RBMS3: variants seen among roughly 807,000 people sequenced by gnomAD.
RBMS3 encodes the protein RNA-binding motif, single-stranded-interacting protein 3.
A neutral mutation model predicts 66.8 loss-of-function variants in RBMS3; 27 were observed. The ratio of observed to expected loss-of-function variants is 0.40; its 90% CI spans 0.30 to 0.56. The LOEUF is 0.56. RBMS3 is among the 20% of genes least tolerant of loss of function. The pLI, the probability that RBMS3 is intolerant of heterozygous loss-of-function variation, is 0.40. For missense variants in RBMS3, 513 were observed against 549.5 expected, an observed-to-expected ratio of 0.93 and a Z score of 0.66; for synonymous variants, 188 against 183.0, an observed-to-expected ratio of 1.03 and a Z score of -0.22.
At chr3:29,803,994 T>C (rs184034125) in intron 6 of RBMS3, among the ~76,000 whole-genome samples, 629 of 152,174 alleles carry the variant, frequency 4.1e-3, no homozygotes, top group Non-Finnish European at 7.4e-3. Flanking sequence ...ATAAAAATCA[T>C]ACAAAATCAT....
chr3:29,794,308 G>A (rs188233026), intron 6 of RBMS3, among the ~76,000 whole-genome samples: 7 of 152,086 alleles, frequency 4.6e-5, no homozygotes, highest in Middle Eastern at 3.4e-3. Context: ...ACATGATGGC[G>A]GGGCACGGTG....
chr3:29,478,914 GT>G (rs2043039768), intron 2 of RBMS3, among the ~76,000 whole-genome samples: 1 of 152,254 alleles, frequency 6.6e-6, no homozygotes, highest in African/African-American at 2.4e-5. Context: ...TCCAAGGAAT[GT>G]TGGTAATTTT....
intron 6 of RBMS3, among the ~76,000 whole-genome samples, chr3:29,837,134 C>T (rs922188090): frequency 2.6e-5 from 4 of 151,962 alleles, no homozygotes; most frequent in Non-Finnish European, 2.9e-5. Context: ...TTTTTGCAAA[C>T]GACTTGAGTA....
chr3:29,558,151 A>G lies in RBMS3; in HGVS notation c.308-28963A>G, dbSNP rs3773079. On this transcript the variant is annotated intron_variant, in intron 3 of 14. Transcript: ENST00000383767. ...AAACCATTTTCATGTCAATTCCTCC[A>G]TATACATACACATCCCATAACGGCA... 9.8e-5 allele frequency among the ~76,000 whole-genome samples: 15 copies of G among 152,294 alleles called. No individual in the cohort carries two copies. In the East Asian group the frequency reaches 2.9e-3, roughly 29 times the overall value.
At chr3:29,634,745 A>T (rs1194158749) in intron 4 of RBMS3, among the ~76,000 whole-genome samples, 1 of 151,726 alleles carries the variant, frequency 6.6e-6, no homozygotes, top group Non-Finnish European at 1.5e-5. Flanking sequence ...TTTCTGGGGG[A>T]ACCATAACCA....
intron 10 of RBMS3, among the ~76,000 whole-genome samples, chr3:29,908,418 A>C (rs2060436543): frequency 6.6e-6 from 1 of 152,126 alleles, no homozygotes; most frequent in Non-Finnish European, 1.5e-5. Context: ...CTCCATGACT[A>C]GTTGTTGATA....
chr3:29,427,455 T>C (rs141399876), intron 1 of RBMS3, among the ~76,000 whole-genome samples: 1 of 152,352 alleles, frequency 6.6e-6, no homozygotes, highest in Non-Finnish European at 1.5e-5. Flanking sequence ...TCTCTCACGT[T>C]GTGTTCACAC....
chr3:29,597,216 C>G (rs2047974813), intron 4 of RBMS3, among the ~76,000 whole-genome samples: 1 of 152,094 alleles, frequency 6.6e-6, no homozygotes, highest in Non-Finnish European at 1.5e-5. Context: ...TTAATTATCA[C>G]AGGTAGCTAT....
intron 4 of RBMS3, among the ~76,000 whole-genome samples, chr3:29,597,630 TA>T (rs2047996043): frequency 6.6e-6 from 1 of 152,156 alleles, no homozygotes; most frequent in African/African-American, 2.4e-5. Context: ...GTAAGCACAT[TA>T]ACTCCTTCTT....
intron 1 of RBMS3, among the ~76,000 whole-genome samples, chr3:29,365,973 A>T (rs187697350): frequency 2.0e-5 from 3 of 152,090 alleles, no homozygotes; most frequent in Admixed American, 2.0e-4. Flanking sequence ...GAATTAAGTG[A>T]TTTTACTCAT....
chr3:29,940,651 T>G (rs2061370675), intron 11 of RBMS3, among the ~76,000 whole-genome samples: 2 of 151,822 alleles, frequency 1.3e-5, no homozygotes, highest in Non-Finnish European at 2.9e-5. Flanking sequence ...TGACCTCAAA[T>G]TTTGAAATGA....
intron 7 of RBMS3, chr3:29,880,776 A>G: frequency 6.5e-7 from 1 of 1,535,840 alleles, no homozygotes; most frequent in Non-Finnish European, 8.7e-7. Flanking sequence ...CCTCTTGCCA[A>G]AGGTACTCAG....
intron 5 of RBMS3, among the ~76,000 whole-genome samples, chr3:29,748,102 G>A (rs1486179166): frequency 1.3e-5 from 2 of 152,168 alleles, no homozygotes; most frequent in Non-Finnish European, 1.5e-5. Flanking sequence ...AGAGAATGAT[G>A]TTCTGTCTTC....
At chr3:29,385,515 C>T (rs1348953358) in intron 1 of RBMS3, among the ~76,000 whole-genome samples, 1 of 152,182 alleles carries the variant, frequency 6.6e-6, no homozygotes, top group African/African-American at 2.4e-5. Context: ...AGCATAACTG[C>T]TGGTGCCAGT....
At chr3:29,903,885 G>A (rs967946643) in intron 10 of RBMS3, among the ~76,000 whole-genome samples, 1 of 151,802 alleles carries the variant, frequency 6.6e-6, no homozygotes, top group Non-Finnish European at 1.5e-5. Flanking sequence ...AATTATAATC[G>A]TTATGATTAA....
At chr3:29,515,400 G>GT (rs2044582097) in intron 3 of RBMS3, among the ~76,000 whole-genome samples, 1 of 152,152 alleles carries the variant, frequency 6.6e-6, no homozygotes, top group Non-Finnish European at 1.5e-5. Flanking sequence ...CAAGGCTAGG[G>GT]TAAAGAGCTT....
chr3:29,415,644 T>G (rs889321559), intron 1 of RBMS3, among the ~76,000 whole-genome samples: 4 of 152,146 alleles, frequency 2.6e-5, no homozygotes, highest in Admixed American at 1.3e-4. Flanking sequence ...ACAGTTACCT[T>G]AATCCATATG....
At chr3:29,504,400 A>G (rs1559418228) in intron 3 of RBMS3, among the ~76,000 whole-genome samples, 1 of 152,114 alleles carries the variant, frequency 6.6e-6, no homozygotes, top group African/African-American at 2.4e-5. Context: ...GGCAACCATA[A>G]AAATAATTTA....
chr3:29,864,282 A>G (rs760222444), intron 6 of RBMS3, among the ~76,000 whole-genome samples: 1 of 152,210 alleles, frequency 6.6e-6, no homozygotes, highest in Non-Finnish European at 1.5e-5. Flanking sequence ...CAGCAAAGGA[A>G]CAGAGAGCAT....
Sources: gnomAD v4.1 joint callset for allele counts (sites outside exome capture counted in the v4.1 genomes callset) on GRCh38, gnomAD v4.1.1 for gene constraint, MANE v1.5 for transcripts, NCBI Gene and HGNC (gene_info 2026-07-23, HGNC 2026-07-21) for gene names.